DDB1: variants seen among roughly 807,000 people sequenced by gnomAD.
The protein encoded by DDB1 is damage specific DNA binding protein 1, also known as DNA damage-binding protein 1.
Under a neutral mutation model 133.1 loss-of-function variants are expected in DDB1, and 18 were observed. The observed-to-expected ratio is 0.14, with a 90% confidence interval of 0.09 to 0.20. DDB1 has a LOEUF of 0.20. DDB1 is among the 10% of genes least tolerant of loss of function. DDB1 has a pLI of 1.00. For synonymous variants in DDB1, 580 were observed against 550.5 expected (o/e 1.05, Z -0.75); for missense variants, 828 against 1,459.2 (o/e 0.57, Z 7.05).
chr11:61,302,917 C>G, intron 23 of DDB1, 129 bp downstream of exon 23: 1 of 1,277,046 alleles, frequency 7.8e-7, no homozygotes, highest in Non-Finnish European at 1.1e-6. Flanking sequence ...CTTTTATTCT[C>G]TGACGAGGAA....
At chr11:61,310,572 AGAG>A (rs1349138418) in intron 18 of DDB1, 154 bp from the exon 19 acceptor site, 5 of 781,252 alleles carry the variant, frequency 6.4e-6, no homozygotes, top group Non-Finnish European at 9.6e-6. Context: ...AGAGTGTTTC[AGAG>A]GAGGCATGTA....
intron 21 of DDB1, among the ~76,000 whole-genome samples, chr11:61,305,422 T>C (rs1362342618): frequency 6.6e-6 from 1 of 152,148 alleles, no homozygotes; most frequent in Non-Finnish European, 1.5e-5. Context: ...CAGGAGAATC[T>C]CTTCAACCAG....
chr11:61,322,840 CA>C (rs1856205355), intron 8 of DDB1, 170 bp downstream of exon 8: 2 of 627,992 alleles, frequency 3.2e-6, no homozygotes, highest in South Asian at 4.3e-5. Flanking sequence ...GAATGAACCA[CA>C]AAGGCAAAGA....
At chr11:61,316,913 C>A (rs964283452) in intron 10 of DDB1, among the ~76,000 whole-genome samples, 2 of 93,286 alleles carry the variant, frequency 2.1e-5, no homozygotes, top group African/African-American at 4.1e-5. Context: ...CAGCAAGATC[C>A]TGTCTCAAAA....
In DDB1 at chr11:61,330,023, T is replaced by C. The variant is rs142240695; in HGVS notation, c.262A>G (p.Ile88Val). ...TCGCCACTCTGTTTATACTCCAGGA[T>C]GCAGGCATTGTACTTCGCTGTCAAG... ...FILTAKYNAC[I>V]LEYKQSGESI... Residue 88 changes from isoleucine to valine, a missense_variant, in exon 3 of 27, where the codon ATC (isoleucine) becomes GTC (valine). Ile to Val is a conservative substitution (Grantham distance 29, BLOSUM62 3). Transcript: ENST00000301764. 1.2e-6 allele frequency: 2 copies of C among 1,613,936 alleles called. No individual in the cohort carries two copies. Among genetic ancestry groups the C allele is most frequent in the African/African-American group, 2.7e-5 (2 of 74,942 alleles).
At chr11:61,324,314 C>T (rs537973632) in intron 6 of DDB1, 177 bp from the exon 7 acceptor site, 13 of 617,504 alleles carry the variant, frequency 2.1e-5, no homozygotes, top group Non-Finnish European at 3.6e-5. Context: ...AAATGGGGAG[C>T]TTTTTTATTT....
At position 61,300,119 on chromosome 11, in the gene DDB1, G is replaced by A; in HGVS notation, c.*17C>T. On this transcript the variant is annotated 3_prime_UTR_variant, in exon 27 of 27. Transcript: ENST00000301764. Reference sequence around the variant, plus strand: ...AAGCCTTTGGGGAGGGTCAGCAAAGGGGCCCCCTGCCCTTGGCTAATGGAT... The same window carrying A: ...AAGCCTTTGGGGAGGGTCAGCAAAGAGGCCCCCTGCCCTTGGCTAATGGAT... 6.2e-7 allele frequency: 1 copy of A among 1,613,764 alleles called. No homozygotes were observed. Among genetic ancestry groups the A allele is most frequent in the Non-Finnish European group, 8.5e-7 (1 of 1,179,920 alleles).
intron 21 of DDB1, among the ~76,000 whole-genome samples, chr11:61,306,180 T>C (rs1855880175): frequency 6.6e-6 from 1 of 152,206 alleles, no homozygotes; most frequent in Non-Finnish European, 1.5e-5. Context: ...CTGCACCCTC[T>C]GGAACACAGT....
At position 61,325,717 on chromosome 11, in the gene DDB1, A is replaced by C. The variant is rs755944606; in HGVS notation, c.665-9T>G. The C allele has an allele frequency of 6.2e-7, 1 of 1,608,240 alleles. No individual in the cohort carries two copies. Among genetic ancestry groups the C allele is most frequent in the South Asian group, 1.1e-5 (1 of 90,186 alleles). Reference sequence around the variant, plus strand: ...CCCAAAGGGCTCTGGGACTGCAGGAAAGACAGCAAAATTAGAATGCTCAGC... The same window carrying C: ...CCCAAAGGGCTCTGGGACTGCAGGACAGACAGCAAAATTAGAATGCTCAGC... On this transcript the variant is annotated splice_polypyrimidine_tract_variant and intron_variant, in intron 5 of 26. Coordinates refer to ENST00000301764, the MANE Select transcript of DDB1 (RefSeq NM_001923.5).
At chr11:61,311,306 CATAACATAACATAACACATAACATA>C (rs1331763068) in intron 18 of DDB1, 1 of 148,900 alleles carries the variant, frequency 6.7e-6, no homozygotes, top group African/African-American at 2.6e-5. Flanking sequence ...CATAACATAA[CATAACATAACATAACACATAACATA>C]ACATAACATA....
intron 21 of DDB1, among the ~76,000 whole-genome samples, chr11:61,305,930 T>C (rs1269287791): frequency 6.6e-6 from 1 of 152,190 alleles, no homozygotes; most frequent in African/African-American, 2.4e-5. Context: ...CTGTAAAATA[T>C]CTTAATAAGC....
At chr11:61,320,081 T>C (rs1856154358) in intron 10 of DDB1, among the ~76,000 whole-genome samples, 1 of 152,250 alleles carries the variant, frequency 6.6e-6, no homozygotes, top group Admixed American at 6.5e-5. Flanking sequence ...TTCAGTACAT[T>C]ACTTTTACAT....
chr11:61,320,029 C>T (rs747982244), intron 10 of DDB1, among the ~76,000 whole-genome samples: 1 of 152,114 alleles, frequency 6.6e-6, no homozygotes, highest in African/African-American at 2.4e-5. Flanking sequence ...CTTTCCTCTA[C>T]TATGCTTTCT....
chr11:61,308,003 G>A (rs919989912), intron 21 of DDB1, among the ~76,000 whole-genome samples: 1 of 152,022 alleles, frequency 6.6e-6, no homozygotes, highest in African/African-American at 2.4e-5. Context: ...CTCTTATACC[G>A]CTGCTTCTAC....
intron 21 of DDB1, 61 bp from the exon 22 acceptor site, chr11:61,304,096 C>T: frequency 3.1e-6 from 5 of 1,591,906 alleles, no homozygotes; most frequent in Non-Finnish European, 4.3e-6. Flanking sequence ...ATGACTCCCC[C>T]CAACTCTTCG....
At chr11:61,330,569 T>C (rs1263465936) in intron 2 of DDB1, among the ~76,000 whole-genome samples, 2 of 152,252 alleles carry the variant, frequency 1.3e-5, no homozygotes, top group African/African-American at 4.8e-5. Context: ...TCTTGCCAGA[T>C]TCAGTTAAGA....
intron 1 of DDB1, 151 bp from the exon 2 acceptor site, chr11:61,331,842 A>G: frequency 9.7e-7 from 1 of 1,034,868 alleles, no homozygotes; most frequent in Non-Finnish European, 1.4e-6. Context: ...CTTCTTGCCA[A>G]ATCCGGCACC....
chr11:61,302,565 CACAGGG>C lies in DDB1; in HGVS notation c.3112+11_3112+16del, dbSNP rs1855816364. The C allele has an allele frequency of 1.2e-6, 2 of 1,613,834 alleles. No homozygotes were observed. The highest frequency in any genetic ancestry group is 3.3e-5 in the Admixed American group (2 of 60,010). ...AGGAGGCCTGTGTGGGGGTGTGCCC[CACAGGG>C]GTGACCTTACCTATCATGCCGTTGA... On this transcript the variant is annotated intron_variant, in intron 24 of 26. Coordinates refer to ENST00000301764, the MANE Select transcript of DDB1 (RefSeq NM_001923.5).
intron 7 of DDB1, 95 bp from the exon 8 acceptor site, chr11:61,323,189 C>A: frequency 1.1e-6 from 1 of 915,234 alleles, no homozygotes; most frequent in African/African-American, 1.6e-5. Context: ...AGAAAACTCC[C>A]AACTGCAGCC....
Sources: gnomAD v4.1 joint callset for allele counts (sites outside exome capture counted in the v4.1 genomes callset) on GRCh38, gnomAD v4.1.1 for gene constraint, MANE v1.5 for transcripts, NCBI Gene and HGNC (gene_info 2026-07-23, HGNC 2026-07-21) for gene names.